NFATC1: variants seen among roughly 807,000 people sequenced by gnomAD.
NFATC1 encodes nuclear factor of activated T cells 1.
A neutral mutation model predicts 76.0 loss-of-function variants in NFATC1; 22 were observed. The observed-to-expected ratio is 0.29, with a 90% confidence interval of 0.21 to 0.41. NFATC1 has a LOEUF of 0.41. NFATC1 is among the 10% of genes least tolerant of loss of function. The pLI is 1.00. For missense variants in NFATC1, 1,357 were observed against 1,337.7 expected (o/e 1.01, Z -0.23); for synonymous variants, 704 against 613.1 (o/e 1.15, Z -2.19).
intron 2 of NFATC1, among the ~76,000 whole-genome samples, chr18:79,415,284 A>T (rs1445732540): frequency 1.3e-5 from 2 of 151,918 alleles, no homozygotes; most frequent in Non-Finnish European, 2.9e-5. Flanking sequence ...TTTTTATTTT[A>T]TTTATTTATT....
At chr18:79,400,451 C>A (rs896935800) in intron 1 of NFATC1, 4 of 1,490,868 alleles carry the variant, frequency 2.7e-6, no homozygotes, top group Non-Finnish European at 3.6e-6. Context: ...TTAACCAGCG[C>A]GACGAGGGCG....
chr18:79,460,802 C>A (rs1412714116), intron 6 of NFATC1, among the ~76,000 whole-genome samples: 1 of 152,238 alleles, frequency 6.6e-6, no homozygotes, highest in Non-Finnish European at 1.5e-5. Flanking sequence ...ACTACTCTCA[C>A]ACCTCCTGCA....
intron 5 of NFATC1, 111 bp from the exon 6 acceptor site, chr18:79,451,562 TGGC>T: frequency 1.6e-6 from 2 of 1,220,624 alleles, no homozygotes; most frequent in Non-Finnish European, 2.2e-6. Context: ...CCGCAGGTCG[TGGC>T]GGTGCTTGCT....
At chr18:79,491,194 CA>C (rs2089667809) in intron 9 of NFATC1, among the ~76,000 whole-genome samples, 1 of 152,106 alleles carries the variant, frequency 6.6e-6, no homozygotes, top group African/African-American at 2.4e-5. Context: ...TCGGGCACCT[CA>C]GCAGCCACCC....
chr18:79,469,696 C>A (rs2088694809), intron 8 of NFATC1: 1 of 985,860 alleles, frequency 1.0e-6, no homozygotes, highest in Non-Finnish European at 1.2e-6. Context: ...CCAGGCTCAC[C>A]CTGGGCACCA....
intron 9 of NFATC1, among the ~76,000 whole-genome samples, chr18:79,490,890 G>A (rs555409267): frequency 6.6e-6 from 1 of 152,156 alleles, no homozygotes; most frequent in East Asian, 1.9e-4. Flanking sequence ...TGACATAAAC[G>A]AGGTCAGGGC....
chr18:79,440,311 T>TA (rs1479724940), intron 3 of NFATC1, among the ~76,000 whole-genome samples: 1 of 152,048 alleles, frequency 6.6e-6, no homozygotes, highest in Non-Finnish European at 1.5e-5. Context: ...CTTTCCTAGG[T>TA]AGAGAGGGGT....
intron 2 of NFATC1, among the ~76,000 whole-genome samples, chr18:79,424,845 GTTTCTCTGTC>G (rs2086241611): frequency 2.4e-5 from 3 of 124,378 alleles, no homozygotes; most frequent in Non-Finnish European, 5.4e-5. Context: ...CTCTGTCTCT[GTTTCTCTGTC>G]TCTCTCTGTC....
rs1481426784 is a variant in NFATC1, at chr18:79,433,745, A to T, written c.1386+7A>T. The T allele has an allele frequency of 3.1e-6, 5 of 1,607,272 alleles. No homozygotes were observed. Among genetic ancestry groups the T allele is most frequent in the Non-Finnish European group, 4.2e-6 (5 of 1,177,302 alleles). On this transcript the variant is annotated splice_region_variant and intron_variant, in intron 3 of 9. Transcript: ENST00000427363. The stretch of plus-strand genomic sequence containing the variant: ...AGGACACCCCATCGTGCAGGTAGGC[A>T]CTGCGGCCAGACTCGCACGTCACTT...
intron 6 of NFATC1, among the ~76,000 whole-genome samples, chr18:79,458,611 T>C (rs2087877017): frequency 6.6e-6 from 1 of 152,216 alleles, no homozygotes; most frequent in Non-Finnish European, 1.5e-5. Context: ...ATCTGGAATA[T>C]TTTTACTCCT....
chr18:79,411,591 G>C (rs1310727225), intron 2 of NFATC1, 90 bp downstream of exon 2: 2 of 1,044,612 alleles, frequency 1.9e-6, no homozygotes, highest in Admixed American at 9.9e-5. Context: ...GCGGCGCGGG[G>C]CGGCCGTGTC....
intron 7 of NFATC1, among the ~76,000 whole-genome samples, chr18:79,462,948 T>G (rs1427857518): frequency 6.6e-6 from 1 of 152,060 alleles, no homozygotes; most frequent in Non-Finnish European, 1.5e-5. Context: ...GGAGGAGTCT[T>G]GAGGTCGTCT....
chr18:79,508,586 C>T (rs187724735), intron 9 of NFATC1, among the ~76,000 whole-genome samples: 7 of 152,132 alleles, frequency 4.6e-5, no homozygotes, highest in Admixed American at 1.3e-4. Flanking sequence ...AACTCCCTCC[C>T]CTCTCTCTCG....
intron 8 of NFATC1, among the ~76,000 whole-genome samples, chr18:79,484,025 C>T (rs2089422133): frequency 6.6e-6 from 1 of 151,310 alleles, no homozygotes; most frequent in African/African-American, 2.4e-5. Flanking sequence ...CCAACGTGAC[C>T]TGGTTCCTGG....
chr18:79,503,747 C>T (rs1030553486), intron 9 of NFATC1, among the ~76,000 whole-genome samples: 2 of 152,212 alleles, frequency 1.3e-5, no homozygotes, highest in Non-Finnish European at 2.9e-5. Context: ...GAGTCCCAGA[C>T]GGCATCTCCA....
At position 79,527,868 on chromosome 18, in the gene NFATC1, C is replaced by T; in HGVS notation, c.*291C>T. 2.1e-6 allele frequency: 1 copy of T among 481,736 alleles called. No individual in the cohort carries two copies. The highest frequency in any genetic ancestry group is 3.0e-5 in the East Asian group (1 of 33,388). The allele number at this position is 481,736 out of a possible 1,614,324, so 29.8% of individuals were successfully genotyped here. A position where few individuals can be genotyped will look rare whatever the true frequency, so the allele number is the denominator to read the frequency against. ...GTGCAGGGGCCTTTCATGGGAACGG[C>T]CCACACGCAGTTTGACCCCACGCCC... On this transcript the variant is annotated 3_prime_UTR_variant, in exon 10 of 10. Transcript: ENST00000427363.
intron 1 of NFATC1, among the ~76,000 whole-genome samples, chr18:79,403,235 G>C (rs2085326864): frequency 6.6e-6 from 1 of 152,270 alleles, no homozygotes; most frequent in African/African-American, 2.4e-5. Flanking sequence ...GTCTTCACGG[G>C]GTGCTTTGAG....
intron 3 of NFATC1, among the ~76,000 whole-genome samples, chr18:79,436,375 G>A (rs894300010): frequency 2.0e-5 from 3 of 152,212 alleles, no homozygotes; most frequent in Admixed American, 6.5e-5. Context: ...TCGTCTGTCC[G>A]CTGCATCTCA....
chr18:79,437,690 C>T (rs554799730), intron 3 of NFATC1, among the ~76,000 whole-genome samples: 2 of 152,244 alleles, frequency 1.3e-5, no homozygotes, highest in South Asian at 4.1e-4. Context: ...CTCTGCCCTC[C>T]ACCCTCTGCC....
Sources: gnomAD v4.1 joint callset for allele counts (sites outside exome capture counted in the v4.1 genomes callset) on GRCh38, gnomAD v4.1.1 for gene constraint, MANE v1.5 for transcripts, NCBI Gene and HGNC (gene_info 2026-07-23, HGNC 2026-07-21) for gene names.